The following DDX6 variants were observed in gnomAD, a reference collection of about 807,000 sequenced individuals.
DDX6 encodes the protein DEAD-box helicase 6, also known as probable ATP-dependent RNA helicase DDX6.
In DDX6, 7 loss-of-function variants were observed where a neutral mutation model predicts 60.6. The observed-to-expected ratio is 0.12, with a 90% confidence interval of 0.07 to 0.22. DDX6 has a LOEUF of 0.22. DDX6 is among the 10% of genes least tolerant of loss of function. The pLI, the probability that DDX6 is intolerant of heterozygous loss-of-function variation, is 1.00. For missense variants in DDX6, 270 were observed against 589.9 expected, an observed-to-expected ratio of 0.46 and a Z score of 5.62; for synonymous variants, 207 against 201.0, an observed-to-expected ratio of 1.03 and a Z score of -0.25.
At position 118,753,336 on chromosome 11, in the gene DDX6, CTT is replaced by C. The variant is rs34191912; in HGVS notation, c.*8-1241_*8-1240del. Among the ~76,000 whole-genome samples, 421 of 67,418 alleles carry C rather than the reference CTT, an allele frequency of 6.2e-3. 4 individuals carry two copies. The highest frequency in any genetic ancestry group is 0.017 in the African/African-American group (290 of 16,798). The allele number at this position is 67,418 out of a possible 152,430, so 44.2% of individuals were successfully genotyped here. A position where few individuals can be genotyped will look rare whatever the true frequency, so the allele number is the denominator to read the frequency against. ...TGAGCCACTGAGCCAGCCCAAGTGG[CTT>C]TTTTTTTTTTTTTTTTTTTGAGATG... On this transcript the variant is annotated intron_variant, in intron 13 of 13. Coordinates refer to ENST00000534980, the MANE Select transcript of DDX6 (RefSeq NM_004397.6).
intron 9 of DDX6, among the ~76,000 whole-genome samples, chr11:118,757,532 AATTG>A (rs1290737089): frequency 6.6e-6 from 1 of 152,176 alleles, no homozygotes; most frequent in Non-Finnish European, 1.5e-5. Flanking sequence ...AGAGTAATAC[AATTG>A]ATTATCTGAT....
At chr11:118,787,671 TTTC>T (rs537903590) in intron 1 of DDX6, 47 of 152,226 alleles carry the variant, frequency 3.1e-4, no homozygotes, top group African/African-American at 1.0e-3. Context: ...AAAAATGTAT[TTTC>T]TTTTTTCCTT....
chr11:118,760,069 T>C, intron 7 of DDX6, 25 bp from the exon 8 acceptor site: 1 of 1,604,584 alleles, frequency 6.2e-7, no homozygotes, highest in Admixed American at 1.7e-5. Context: ...AAAGACAATT[T>C]TAAAAACAAT....
At chr11:118,766,452 GAAAT>G (rs1345097263) in intron 5 of DDX6, among the ~76,000 whole-genome samples, 2 of 151,842 alleles carry the variant, frequency 1.3e-5, no homozygotes, top group African/African-American at 4.8e-5. Context: ...AAAAAATTAA[GAAAT>G]AAAAATAAAA....
chr11:118,786,310 C>A lies in DDX6; in HGVS notation c.-59G>T. On this transcript the variant is annotated 5_prime_UTR_variant, in exon 2 of 14. Transcript: ENST00000534980. The stretch of plus-strand genomic sequence containing the variant: ...AAACTTTTGAAAGTCAGTAGAGAAA[C>A]TGTAATAACAGTTTATTAGGCTCTC... 6.9e-7 allele frequency: 1 copy of A among 1,450,114 alleles called. No homozygotes were observed. Among genetic ancestry groups the A allele is most frequent in the Non-Finnish European group, 9.4e-7 (1 of 1,061,830 alleles). The allele number at this position is 1,450,114 out of a possible 1,614,324, so 89.8% of individuals were successfully genotyped here.
rs1367633236 is a variant in DDX6, at chr11:118,747,907, C to CG, written c.*4197_*4198insC. ...ACATCCCAACAAAAACAGAGCCCCCCCCCCCCCCACTGGAACATCTGCCAA... is the reference window on the plus strand; with the variant it reads ...ACATCCCAACAAAAACAGAGCCCCCCGCCCCCCCCACTGGAACATCTGCCAA... On this transcript the variant is annotated 3_prime_UTR_variant, in exon 14 of 14. Coordinates refer to ENST00000534980, the MANE Select transcript of DDX6 (RefSeq NM_004397.6). The CG allele has an allele frequency of 4.5e-5, 6 of 134,252 alleles. No individual in the cohort carries two copies. Among genetic ancestry groups the CG allele is most frequent in the African/African-American group, 1.4e-4 (5 of 35,122 alleles). 8.3% of individuals were successfully genotyped at this position (134,252 alleles called of 1,614,324 possible).
At chr11:118,764,878 T>A (rs1280410880) in intron 6 of DDX6, among the ~76,000 whole-genome samples, 1 of 150,740 alleles carries the variant, frequency 6.6e-6, no homozygotes, top group African/African-American at 2.4e-5. Context: ...ACTCCCAAAT[T>A]GCCCATGATA....
Position 118,749,202 on chromosome 11 carries a change from T to C in DDX6, c.*2903A>G, listed in dbSNP as rs1226574606. ...ACCAAAGGCTAAATGATGAGTTGGATGTAGTTTTAATATTAAAAATAGAGG... is the reference window on the plus strand; with the variant it reads ...ACCAAAGGCTAAATGATGAGTTGGACGTAGTTTTAATATTAAAAATAGAGG... On this transcript the variant is annotated 3_prime_UTR_variant, in exon 14 of 14. Transcript: ENST00000534980. 6.6e-6 allele frequency: 1 copy of C among 151,934 alleles called. No homozygotes were observed. The highest frequency in any genetic ancestry group is 2.4e-5 in the African/African-American group (1 of 41,352). 9.4% of individuals were successfully genotyped at this position (151,934 alleles called of 1,614,324 possible).
intron 1 of DDX6, chr11:118,787,366 A>G (rs515523): frequency 0.38 from 57,451 of 152,148 alleles, 11,480 homozygotes; most frequent in Admixed American, 0.51. Flanking sequence ...GCTACTTGGG[A>G]GGCTGAGGCA....
chr11:118,763,679 C>A (rs1046712210), intron 6 of DDX6, among the ~76,000 whole-genome samples: 1 of 151,582 alleles, frequency 6.6e-6, no homozygotes, highest in African/African-American at 2.4e-5. Context: ...ACTAAAAATA[C>A]AAAAATTAGC....
chr11:118,788,862 G>A (rs1232366254), intron 1 of DDX6: 2 of 151,756 alleles, frequency 1.3e-5, no homozygotes, highest in Non-Finnish European at 2.9e-5. Context: ...GTATTTTTCA[G>A]TAGACACGGG....
intron 9 of DDX6, 73 bp from the exon 10 acceptor site, chr11:118,757,360 C>A: frequency 1.4e-6 from 1 of 709,394 alleles, no homozygotes; most frequent in South Asian, 2.5e-5. Flanking sequence ...CTTGAAAACA[C>A]GAACCAGCAA....
In DDX6 at chr11:118,749,380, A is replaced by AG. The variant is rs1860675896; in HGVS notation, c.*2724_*2725insC. The AG allele has an allele frequency of 6.7e-6, 1 of 150,374 alleles. No individual in the cohort carries two copies. The highest frequency in any genetic ancestry group is 2.4e-5 in the African/African-American group (1 of 40,966). The allele number at this position is 150,374 out of a possible 1,614,324, so 9.3% of individuals were successfully genotyped here. ...AAAGAAAAAAAAAAAAAAAAAAAAA[A>AG]AGACCAGGCTTTGACCTAGTCCTCA... On this transcript the variant is annotated 3_prime_UTR_variant, in exon 14 of 14. Coordinates refer to ENST00000534980, the MANE Select transcript of DDX6 (RefSeq NM_004397.6).
chr11:118,778,024 AAAAAAATTG>A (rs1861763727), intron 4 of DDX6, among the ~76,000 whole-genome samples: 2 of 151,858 alleles, frequency 1.3e-5, no homozygotes, highest in African/African-American at 2.4e-5. Flanking sequence ...TAATAATAAA[AAAAAAATTG>A]AAAAAAATTG....
rs1482856324 is a variant in DDX6 at position 118,754,793 on chromosome 11, A to T, written c.1371T>A (p.Ile457=). The T allele has an allele frequency of 1.9e-6, 3 of 1,613,806 alleles. No homozygotes were observed. The highest frequency in any genetic ancestry group is 2.5e-6 in the Non-Finnish European group (3 of 1,179,876). ...TATCAATGTTGCTCGGAATAGGTTT[A>T]ATTTCTGTTCCCAGCTGCTCCTCAA... is the stretch of plus-strand genomic sequence containing the variant. The part of the protein sequence containing the change: ...KSIEEQLGTE[I]KPIPSNIDKS... Residue 457 remains isoleucine, a synonymous_variant, in exon 13 of 14, where the codon ATT becomes ATA. Coordinates refer to ENST00000534980, the MANE Select transcript of DDX6 (RefSeq NM_004397.6).
At chr11:118,782,733 T>G (rs1225362410) in intron 2 of DDX6, among the ~76,000 whole-genome samples, 1 of 150,420 alleles carries the variant, frequency 6.6e-6, no homozygotes, top group Non-Finnish European at 1.5e-5. Context: ...AACCTCCACC[T>G]CCCGGGGTTC....
In DDX6 at chr11:118,748,543, C is replaced by CTTA. The variant is rs1860638113; in HGVS notation, c.*3561_*3562insTAA. 1 of 151,866 alleles carries CTTA rather than the reference C, an allele frequency of 6.6e-6. No individual in the cohort carries two copies. Among genetic ancestry groups the CTTA allele is most frequent in the East Asian group, 1.9e-4 (1 of 5,194 alleles). The allele number at this position is 151,866 out of a possible 1,614,324, so 9.4% of individuals were successfully genotyped here. A position where few individuals can be genotyped will look rare whatever the true frequency, so the allele number is the denominator to read the frequency against. ...TTCCACAATAACAAATTTAAAGATA[C>CTTA]CTAGAACATTGAAAAAAATAGCAAA... On this transcript the variant is annotated 3_prime_UTR_variant, in exon 14 of 14. Transcript: ENST00000534980.
At chr11:118,757,029 C>T in intron 10 of DDX6, 142 bp downstream of exon 10, 1 of 452,478 alleles carries the variant, frequency 2.2e-6, no homozygotes, top group Non-Finnish European at 4.0e-6. Flanking sequence ...GAAAATTGAA[C>T]CTGAGGGAGG....
In DDX6 at chr11:118,768,212, A is replaced by G. The variant is rs1861419857; in HGVS notation, c.499+11T>C. 1 of 1,609,682 alleles carries G rather than the reference A, an allele frequency of 6.2e-7. No individual in the cohort carries two copies. Among genetic ancestry groups the G allele is most frequent in the Non-Finnish European group, 8.5e-7 (1 of 1,177,484 alleles). ...ATTTTTAGTTTAAAAACAAACTTTT[A>G]TTCAACTAACCTTGTATATTGTCCT... On this transcript the variant is annotated intron_variant, in intron 5 of 13. Coordinates refer to ENST00000534980, the MANE Select transcript of DDX6 (RefSeq NM_004397.6).
Sources: gnomAD v4.1 joint callset for allele counts (sites outside exome capture counted in the v4.1 genomes callset) on GRCh38, gnomAD v4.1.1 for gene constraint, MANE v1.5 for transcripts, NCBI Gene and HGNC (gene_info 2026-07-23, HGNC 2026-07-21) for gene names.